Variants in CCDC102B observed in about 807,000 individuals in gnomAD.
The protein encoded by CCDC102B is coiled-coil domain containing 102B.
In CCDC102B, 75 loss-of-function variants were observed where a neutral mutation model predicts 57.4. The ratio of observed to expected loss-of-function variants is 1.31; its 90% CI spans 1.08 to 1.58. The LOEUF (loss-of-function observed/expected upper bound fraction) is 1.58, where lower values mean the gene tolerates loss of function less well. CCDC102B is among the 40% of genes most tolerant of loss of function. The pLI is 0.00. For synonymous variants in CCDC102B, 206 were observed against 201.9 expected, an observed-to-expected ratio of 1.02 and a Z score of -0.17; for missense variants, 636 against 582.6, an observed-to-expected ratio of 1.09 and a Z score of -0.94.
chr18:69,047,669 T>A (rs2052602307), intron 7 of CCDC102B, among the ~76,000 whole-genome samples: 1 of 152,068 alleles, frequency 6.6e-6, no homozygotes, highest in Admixed American at 6.6e-5. Context: ...ATCTCCTTGA[T>A]CTGATAAACA....
chr18:68,932,565 T>C (rs1387645378), intron 6 of CCDC102B, among the ~76,000 whole-genome samples: 2 of 151,922 alleles, frequency 1.3e-5, no homozygotes, highest in African/African-American at 2.4e-5. Context: ...ATTCACTCCC[T>C]TTTTCCATTT....
intron 6 of CCDC102B, among the ~76,000 whole-genome samples, chr18:68,974,217 G>A (rs2050375566): frequency 6.6e-6 from 1 of 151,976 alleles, no homozygotes; most frequent in Non-Finnish European, 1.5e-5. Flanking sequence ...ATGGATTAAT[G>A]CCACTGTAAA....
chr18:68,795,000 G>C (rs953755206), upstream of CCDC102B, among the ~76,000 whole-genome samples: 1 of 145,034 alleles, frequency 6.9e-6, no homozygotes, highest in Non-Finnish European at 1.5e-5. Context: ...AGATTTTACT[G>C]GTCATTAATT....
At chr18:68,865,415 G>A (rs909959198) in intron 4 of CCDC102B, among the ~76,000 whole-genome samples, 7 of 151,942 alleles carry the variant, frequency 4.6e-5, no homozygotes, top group African/African-American at 1.5e-4. Flanking sequence ...TCACTGCTCA[G>A]ACTGGTTTTA....
chr18:68,990,112 C>G (rs8094964), intron 6 of CCDC102B, among the ~76,000 whole-genome samples: 124,743 of 152,146 alleles, frequency 0.82, 53,565 homozygotes, highest in Non-Finnish European at 0.95. Context: ...TCTCTTTGCT[C>G]CATAGGAACA....
chr18:68,726,571 G>A (rs1184704175), intron 2 of CCDC102B, among the ~76,000 whole-genome samples: 1 of 152,162 alleles, frequency 6.6e-6, no homozygotes, highest in Non-Finnish European at 1.5e-5. Context: ...TATTAAACAA[G>A]CTAAAGGTGA....
chr18:68,955,424 A>G (rs1398974892), intron 6 of CCDC102B, among the ~76,000 whole-genome samples: 1 of 152,120 alleles, frequency 6.6e-6, no homozygotes, highest in Non-Finnish European at 1.5e-5. Context: ...AAACCTTGAG[A>G]TTTAGAGGCA....
At chr18:68,748,629 T>A (rs1239989150) in intron 2 of CCDC102B, among the ~76,000 whole-genome samples, 1 of 152,098 alleles carries the variant, frequency 6.6e-6, no homozygotes, top group African/African-American at 2.4e-5. Context: ...TGTTCTGGAG[T>A]CATTCCTGGA....
intron 2 of CCDC102B, among the ~76,000 whole-genome samples, chr18:68,779,201 C>T (rs796119255): frequency 5.3e-5 from 8 of 152,152 alleles, no homozygotes; most frequent in African/African-American, 1.7e-4. Context: ...TGCATACACA[C>T]GTGTTTGTGT....
At chr18:69,000,011 T>C (rs1392685321) in intron 6 of CCDC102B, among the ~76,000 whole-genome samples, 1 of 152,140 alleles carries the variant, frequency 6.6e-6, no homozygotes, top group East Asian at 1.9e-4. Context: ...AGAAAAGAAA[T>C]GTATCAAAGG....
intron 6 of CCDC102B, among the ~76,000 whole-genome samples, chr18:68,911,889 C>CA (rs375364073): frequency 5.4e-4 from 64 of 119,024 alleles, no homozygotes; most frequent in Middle Eastern, 4.7e-3. Context: ...AACATGAAAA[C>CA]AAAAAAGTAA....
chr18:68,780,557 T>C (rs1270055864), intron 2 of CCDC102B, among the ~76,000 whole-genome samples: 1 of 152,106 alleles, frequency 6.6e-6, no homozygotes, highest in East Asian at 1.9e-4. Context: ...ATATTTTTAA[T>C]TTGTTTTCAA....
intron 3 of CCDC102B, among the ~76,000 whole-genome samples, chr18:68,845,802 ATTTC>A (rs1332970896): frequency 2.0e-5 from 3 of 151,450 alleles, no homozygotes; most frequent in African/African-American, 7.3e-5. Flanking sequence ...TCCCAGTGAA[ATTTC>A]TTTATTACAA....
chr18:69,009,582 T>C (rs11872682), intron 6 of CCDC102B, among the ~76,000 whole-genome samples: 2,266 of 152,258 alleles, frequency 0.015, 48 homozygotes, highest in East Asian at 0.082. Context: ...TTTGGGATCA[T>C]ACTTAGGAAA....
chr18:68,964,840 A>C (rs1051329932), intron 6 of CCDC102B, among the ~76,000 whole-genome samples: 1 of 151,796 alleles, frequency 6.6e-6, no homozygotes, highest in South Asian at 2.1e-4. Context: ...CTGAAGAGAA[A>C]TTTTACTTGA....
intron 4 of CCDC102B, among the ~76,000 whole-genome samples, chr18:68,871,339 A>G (rs962643104): frequency 1.3e-5 from 2 of 152,178 alleles, no homozygotes; most frequent in Admixed American, 6.5e-5. Context: ...TCAGCTGTGG[A>G]TGACATTCAT....
chr18:68,969,361 G>T (rs1436433395), intron 6 of CCDC102B, among the ~76,000 whole-genome samples: 3 of 152,100 alleles, frequency 2.0e-5, no homozygotes, highest in South Asian at 4.1e-4. Context: ...TATGTGCTCT[G>T]CAATGAAATG....
intron 1 of CCDC102B, among the ~76,000 whole-genome samples, chr18:68,802,307 A>C (rs1287166043): frequency 6.6e-6 from 1 of 152,292 alleles, no homozygotes; most frequent in African/African-American, 2.4e-5. Context: ...GATACTGCCC[A>C]GGCTTCTTCA....
intron 4 of CCDC102B, among the ~76,000 whole-genome samples, chr18:68,861,349 A>T (rs917668251): frequency 1.3e-5 from 2 of 151,706 alleles, no homozygotes; most frequent in Non-Finnish European, 2.9e-5. Context: ...TTTGCATGAC[A>T]TATAAGTTTT....
Sources: allele counts gnomAD v4.1 joint callset (sites outside exome capture counted in the v4.1 genomes callset), GRCh38; gene constraint gnomAD v4.1.1; transcripts MANE v1.5; gene names NCBI Gene and HGNC (gene_info 2026-07-23, HGNC 2026-07-21).